PRKG1: variants seen among roughly 807,000 people sequenced by gnomAD.
PRKG1 encodes protein kinase cGMP-dependent 1.
PRKG1 carries 35 observed loss-of-function variants against 88.1 expected under a neutral mutation model. The observed-to-expected ratio is 0.40, with a 90% CI of 0.30 to 0.53. The LOEUF (loss-of-function observed/expected upper bound fraction) is 0.53, where lower values mean the gene tolerates loss of function less well. PRKG1 is among the 20% of genes least tolerant of loss of function. The pLI, the probability that PRKG1 is intolerant of heterozygous loss-of-function variation, is 0.59. For missense variants in PRKG1, 540 were observed against 839.8 expected (o/e 0.64, Z 4.41); for synonymous variants, 303 against 292.5 (o/e 1.04, Z -0.37).
rs1414065452 is a variant in PRKG1 at position 51,822,962 on chromosome 10, GA to G, written c.698+18274del. On this transcript the variant is annotated intron_variant, in intron 4 of 17. Transcript: ENST00000373980. ...GGGCATTCCTGACACTATTTAGTGG[GA>G]ATTCATGAGGTCAAAACTATTCTCA... is the stretch of plus-strand genomic sequence containing the variant. Among the ~76,000 whole-genome samples the G allele has an allele frequency of 1.7e-4, 26 of 152,184 alleles. No individual in the cohort carries two copies. In the East Asian group the frequency reaches 1.7e-3, roughly 10 times the overall value.
At chr10:51,031,568 G>A (rs1183188584) in intron 1 of PRKG1, among the ~76,000 whole-genome samples, 1 of 152,116 alleles carries the variant, frequency 6.6e-6, no homozygotes, top group African/African-American at 2.4e-5. Flanking sequence ...TTATTGAGTG[G>A]CCAGTGTGCA....
At chr10:50,997,915 C>A (rs376962287) in intron 1 of PRKG1, among the ~76,000 whole-genome samples, 1 of 152,072 alleles carries the variant, frequency 6.6e-6, no homozygotes. Flanking sequence ...CAAACTGTCA[C>A]CACTTTATTA....
chr10:52,105,527 A>G (rs1436360736), intron 7 of PRKG1, among the ~76,000 whole-genome samples: 1 of 152,172 alleles, frequency 6.6e-6, no homozygotes, highest in Non-Finnish European at 1.5e-5. Context: ...GGCGTGTAGA[A>G]TGGAGCCCTA....
At chr10:51,795,042 A>G (rs985313324) in intron 3 of PRKG1, among the ~76,000 whole-genome samples, 2 of 152,266 alleles carry the variant, frequency 1.3e-5, no homozygotes, top group South Asian at 2.1e-4. Flanking sequence ...TTATGAACAT[A>G]TTTGTACTAA....
At chr10:51,815,543 A>C (rs150274047) in intron 4 of PRKG1, among the ~76,000 whole-genome samples, 191 of 152,270 alleles carry the variant, frequency 1.3e-3, no homozygotes, top group African/African-American at 4.3e-3. Flanking sequence ...GAGGTGCAAA[A>C]TAAATACTAG....
At chr10:51,715,690 T>C (rs1190234431) in intron 3 of PRKG1, among the ~76,000 whole-genome samples, 1 of 152,218 alleles carries the variant, frequency 6.6e-6, no homozygotes, top group African/African-American at 2.4e-5. Flanking sequence ...AGGGGACATA[T>C]TGCCATTTTT....
chr10:51,155,019 T>G (rs1846171157), intron 2 of PRKG1, among the ~76,000 whole-genome samples: 2 of 152,046 alleles, frequency 1.3e-5, no homozygotes, highest in African/African-American at 4.8e-5. Flanking sequence ...TCATATGATA[T>G]TATTTTTCAG....
intron 3 of PRKG1, among the ~76,000 whole-genome samples, chr10:51,727,164 G>A (rs1009589608): frequency 1.3e-5 from 2 of 151,712 alleles, no homozygotes; most frequent in Non-Finnish European, 2.9e-5. Context: ...TTTTAAGCTA[G>A]GCATGATGAC....
At chr10:52,092,206 A>G (rs1847073953) in intron 7 of PRKG1, among the ~76,000 whole-genome samples, 1 of 152,134 alleles carries the variant, frequency 6.6e-6, no homozygotes, top group Non-Finnish European at 1.5e-5. Context: ...GGGTATGACA[A>G]TACGCATTTT....
At chr10:52,115,495 C>T (rs1204108416) in intron 7 of PRKG1, among the ~76,000 whole-genome samples, 1 of 152,114 alleles carries the variant, frequency 6.6e-6, no homozygotes, top group East Asian at 1.9e-4. Flanking sequence ...TTCCTGGTGA[C>T]ATGACCATCT....
At chr10:52,248,350 GA>G (rs2132394592) in intron 9 of PRKG1, among the ~76,000 whole-genome samples, 1 of 152,298 alleles carries the variant, frequency 6.6e-6, no homozygotes, top group Admixed American at 6.5e-5. Context: ...AGCAAACTAA[GA>G]TTTCTTGAGT....
intron 4 of PRKG1, among the ~76,000 whole-genome samples, chr10:51,810,538 T>C (rs1187333057): frequency 1.3e-5 from 2 of 152,200 alleles, no homozygotes; most frequent in East Asian, 1.9e-4. Flanking sequence ...TTTAGTGCTG[T>C]GTAAAGCTTC....
At chr10:51,990,595 A>C (rs1042732657) in intron 5 of PRKG1, among the ~76,000 whole-genome samples, 1 of 152,064 alleles carries the variant, frequency 6.6e-6, no homozygotes, top group Non-Finnish European at 1.5e-5. Flanking sequence ...GTTCAGGATT[A>C]CATGTGCAAG....
intron 5 of PRKG1, among the ~76,000 whole-genome samples, chr10:52,009,945 G>T (rs527462978): frequency 5.6e-4 from 86 of 152,218 alleles, no homozygotes; most frequent in Middle Eastern, 3.4e-3. Context: ...TCAATAAATG[G>T]TGCTGGGATA....
chr10:52,270,993 GA>G (rs1438692005), intron 10 of PRKG1, among the ~76,000 whole-genome samples: 4 of 151,924 alleles, frequency 2.6e-5, no homozygotes, highest in African/African-American at 4.8e-5. Context: ...AATAAAATTG[GA>G]AAAGAAGTTT....
At chr10:51,265,246 A>G (rs1349366288) in intron 2 of PRKG1, among the ~76,000 whole-genome samples, 1 of 152,148 alleles carries the variant, frequency 6.6e-6, no homozygotes, top group African/African-American at 2.4e-5. Flanking sequence ...TGGAGACAGT[A>G]GTAGTAGTGA....
At chr10:51,515,113 T>C (rs1288335294) in intron 3 of PRKG1, among the ~76,000 whole-genome samples, 1 of 152,216 alleles carries the variant, frequency 6.6e-6, no homozygotes, top group Non-Finnish European at 1.5e-5. Context: ...TAAATCGATT[T>C]ATATAAATAA....
At chr10:51,521,554 A>G (rs1841737424) in intron 3 of PRKG1, among the ~76,000 whole-genome samples, 2 of 152,222 alleles carry the variant, frequency 1.3e-5, no homozygotes, top group Admixed American at 6.5e-5. Flanking sequence ...TACTGGCCCA[A>G]AATACACTTT....
intron 9 of PRKG1, among the ~76,000 whole-genome samples, chr10:52,174,958 G>A (rs911168999): frequency 1.3e-5 from 2 of 151,954 alleles, no homozygotes; most frequent in African/African-American, 4.8e-5. Context: ...AGGGCGATTA[G>A]CATATTCATC....
Sources: allele counts gnomAD v4.1 joint callset (sites outside exome capture counted in the v4.1 genomes callset), GRCh38; gene constraint gnomAD v4.1.1; transcripts MANE v1.5; gene names NCBI Gene and HGNC (gene_info 2026-07-23, HGNC 2026-07-21).